The following MTIF2 variants were observed in gnomAD, a reference collection of about 807,000 sequenced individuals.
The protein encoded by MTIF2 is mitochondrial translational initiation factor 2, also known as translation initiation factor IF-2, mitochondrial.
In MTIF2, 71 loss-of-function variants were observed where a neutral mutation model predicts 83.5. That is an observed-to-expected ratio of 0.85 (90% CI 0.70 to 1.04). The LOEUF is 1.04. Ranked by LOEUF, MTIF2 falls within the 50% of genes least tolerant of loss-of-function variation. The pLI, the probability that MTIF2 is intolerant of heterozygous loss-of-function variation, is 0.00. For missense variants in MTIF2, 957 were observed against 846.5 expected, an observed-to-expected ratio of 1.13 and a Z score of -1.62; for synonymous variants, 319 against 287.1, an observed-to-expected ratio of 1.11 and a Z score of -1.12.
chr2:55,260,288 A>G (rs923551383), intron 5 of MTIF2, among the ~76,000 whole-genome samples: 3 of 151,524 alleles, frequency 2.0e-5, no homozygotes, highest in Non-Finnish European at 4.4e-5. Flanking sequence ...AATCCCAGCT[A>G]CTCGGGAGGC....
At chr2:55,260,728 G>A (rs942004246) in intron 5 of MTIF2, among the ~76,000 whole-genome samples, 1 of 152,086 alleles carries the variant, frequency 6.6e-6, no homozygotes, top group Non-Finnish European at 1.5e-5. Flanking sequence ...CCTAACTTTA[G>A]GGCATTGTGA....
chr2:55,256,747 C>T (rs1677574716), intron 5 of MTIF2, among the ~76,000 whole-genome samples: 1 of 151,860 alleles, frequency 6.6e-6, no homozygotes, highest in Non-Finnish European at 1.5e-5. Context: ...CACTGTTGCC[C>T]AGGCTAGAGT....
Position 55,244,009 on chromosome 2 carries a change from A to G in MTIF2, c.1311+20T>C. Reference sequence around the variant, plus strand: ...AATCATTATATTATATCTAATATATAGGAATTAAGCTTGATACACCTCAGA... The same window carrying G: ...AATCATTATATTATATCTAATATATGGGAATTAAGCTTGATACACCTCAGA... On this transcript the variant is annotated intron_variant, in intron 11 of 15. Transcript: ENST00000263629. The G allele has an allele frequency of 6.3e-7, 1 of 1,578,866 alleles. No individual in the cohort carries two copies. The highest frequency in any genetic ancestry group is 8.7e-7 in the Non-Finnish European group (1 of 1,153,314).
intron 14 of MTIF2, among the ~76,000 whole-genome samples, chr2:55,238,567 T>C (rs1166486266): frequency 6.6e-6 from 1 of 152,090 alleles, no homozygotes; most frequent in Non-Finnish European, 1.5e-5. Context: ...AATTTTGTAT[T>C]TTTAGTAAAG....
intron 2 of MTIF2, among the ~76,000 whole-genome samples, chr2:55,267,996 T>TA (rs1265942507): frequency 6.6e-6 from 1 of 152,204 alleles, no homozygotes; most frequent in African/African-American, 2.4e-5. Context: ...CTCATGCCTG[T>TA]AATCCTAGCA....
chr2:55,246,220 T>C, intron 10 of MTIF2, 117 bp downstream of exon 10: 1 of 1,202,124 alleles, frequency 8.3e-7, no homozygotes, highest in Non-Finnish European at 1.1e-6. Context: ...AACAAATGCT[T>C]TGAAAATATT....
At chr2:55,244,680 C>T (rs901965274) in intron 10 of MTIF2, among the ~76,000 whole-genome samples, 2 of 151,500 alleles carry the variant, frequency 1.3e-5, no homozygotes, top group African/African-American at 4.9e-5. Flanking sequence ...TTTTGAAGGC[C>T]AAGGTGGGTG....
At position 55,247,396 on chromosome 2, in the gene MTIF2, A is replaced by G. The variant is rs144906210; in HGVS notation, c.982-935T>C. On this transcript the variant is annotated intron_variant, in intron 9 of 15. Transcript: ENST00000263629. ...GTGAAACCACATCTCTACTAAAAAT[A>G]CAAAAAATTAGTCAGGTGTGGTGGC... Among the ~76,000 whole-genome samples the G allele has an allele frequency of 1.9e-3, 286 of 152,242 alleles. 1 individual carries two copies. The highest frequency in any genetic ancestry group is 6.8e-3 in the African/African-American group (281 of 41,532).
At chr2:55,255,903 T>A (rs770119778) in intron 5 of MTIF2, among the ~76,000 whole-genome samples, 4 of 151,034 alleles carry the variant, frequency 2.6e-5, no homozygotes, top group Non-Finnish European at 4.4e-5. Context: ...TGGGACAGAG[T>A]TTCGCTTTTG....
chr2:55,263,757 C>A lies in MTIF2; in HGVS notation c.102G>T (p.Arg34Ser). 6.2e-7 allele frequency: 1 copy of A among 1,614,164 alleles called. No individual in the cohort carries two copies. Among genetic ancestry groups the A allele is most frequent in the Non-Finnish European group, 8.5e-7 (1 of 1,180,020 alleles). Residue 34 changes from arginine (R) to serine (S), a missense_variant, in exon 4 of 16, where the codon AGG becomes AGT. Transcript: ENST00000263629. ...CAGGGTAAGCAGATGAAAACCCATGCCTCCACTGTCTTAATGCTCTTCTTT... is the reference window on the plus strand; with the variant it reads ...CAGGGTAAGCAGATGAAAACCCATGACTCCACTGTCTTAATGCTCTTCTTT... ...LCQRRALRQW[R>S]HGFSSAYPVW...
rs1313856527 is a variant in MTIF2 at position 55,254,824 on chromosome 2, A to T, written c.333T>A (p.Asp111Glu). 4 of 1,557,234 alleles carry T rather than the reference A, an allele frequency of 2.6e-6. No individual in the cohort carries two copies. The highest frequency in any genetic ancestry group is 4.1e-5 in the Admixed American group (2 of 48,398). The part of the protein sequence containing the change: ...ELARAMEKNT[D>E]YVYEALLNTD... ...TGTTCAATAAAGCTTCATATACATA[A>T]TCTGATTGGAATAAAATAAAACCTT... The change falls in exon 6 of 16, where the codon GAT becomes GAA. Residue 111 changes from aspartate to glutamate, a missense_variant and splice_region_variant. Coordinates refer to ENST00000263629, the MANE Select transcript of MTIF2 (RefSeq NM_002453.3).
At chr2:55,239,484 CAAAATT>C (rs1182822019) in intron 14 of MTIF2, among the ~76,000 whole-genome samples, 1 of 151,304 alleles carries the variant, frequency 6.6e-6, no homozygotes, top group African/African-American at 2.4e-5. Flanking sequence ...AAACTATTAT[CAAAATT>C]AAAAGTTAAT....
intron 14 of MTIF2, among the ~76,000 whole-genome samples, chr2:55,239,497 T>C (rs1676140863): frequency 6.6e-6 from 1 of 151,990 alleles, no homozygotes; most frequent in Non-Finnish European, 1.5e-5. Flanking sequence ...AATTAAAAGT[T>C]AATAAAAAAA....
rs1676482555 is a variant in MTIF2 at position 55,243,605 on chromosome 2, C to T, written c.1375G>A (p.Asp459Asn). ...YEQEQEKGQE[D>N]LKIIEEKRKE... ...CGCTTTTCTTCTATTATTTTCAGAT[C>T]CTCCTGACCTTTCTCCTGTTCTTGT... The change falls in exon 12 of 16, where the codon GAT becomes AAT. Residue 459 changes from aspartate (D) to asparagine (N), a missense_variant. Physicochemically the swap from Asp to Asn is conservative, Grantham distance 23. This residue lies in a region of MTIF2 where 733 missense variants were observed against 648.7 expected (regional missense o/e 1.13). Coordinates refer to ENST00000263629, the MANE Select transcript of MTIF2 (RefSeq NM_002453.3). 1 of 1,613,896 alleles carries T rather than the reference C, an allele frequency of 6.2e-7. No homozygotes were observed. The highest frequency in any genetic ancestry group is 1.3e-5 in the African/African-American group (1 of 74,904).
chr2:55,243,899 A>G (rs977279209), intron 11 of MTIF2, 130 bp downstream of exon 11: 1 of 966,424 alleles, frequency 1.0e-6, no homozygotes, highest in Non-Finnish European at 1.5e-6. Flanking sequence ...AAAATAGCAC[A>G]ACTTGCATCC....
intron 10 of MTIF2, 105 bp downstream of exon 10, chr2:55,246,232 T>C: frequency 8.0e-7 from 1 of 1,244,794 alleles, no homozygotes; most frequent in Non-Finnish European, 1.1e-6. Context: ...GAAAATATTG[T>C]TCATGAACTA....
chr2:55,263,545 G>C (rs555088040), intron 4 of MTIF2, 95 bp downstream of exon 4: 1 of 911,186 alleles, frequency 1.1e-6, no homozygotes, highest in South Asian at 1.7e-5. Flanking sequence ...AAGAGGCGTA[G>C]GTTGCGGTGA....
chr2:55,238,694 T>A (rs1199433536), intron 14 of MTIF2, among the ~76,000 whole-genome samples: 1 of 151,990 alleles, frequency 6.6e-6, no homozygotes, highest in East Asian at 1.9e-4. Context: ...CCCGGCCGAG[T>A]CTGTTTTTTT....
intron 5 of MTIF2, among the ~76,000 whole-genome samples, chr2:55,260,123 G>A (rs1677848798): frequency 6.6e-6 from 1 of 152,146 alleles, no homozygotes. Flanking sequence ...AAACAGGCCA[G>A]GGATGGTGGC....
Sources: gnomAD v4.1 joint callset for allele counts (sites outside exome capture counted in the v4.1 genomes callset) on GRCh38, gnomAD v4.1.1 for gene constraint, gnomAD v4.1.1 regional missense constraint, MANE v1.5 for transcripts, NCBI Gene and HGNC (gene_info 2026-07-23, HGNC 2026-07-21) for gene names.